Variants in ASPG observed in about 807,000 individuals in gnomAD.
ASPG encodes 60 kDa lysophospholipase.
In ASPG, 53 loss-of-function variants were observed where a neutral mutation model predicts 63.2. The ratio of observed to expected loss-of-function variants is 0.84; its 90% CI spans 0.67 to 1.05. The LOEUF (loss-of-function observed/expected upper bound fraction) is 1.05. Among genes scored for constraint, ASPG ranks in the 50% least tolerant of loss-of-function variants. The pLI, the probability that ASPG is intolerant of heterozygous loss-of-function variation, is 0.00. For missense variants in ASPG, 741 were observed against 794.4 expected (o/e 0.93, Z 0.81); for synonymous variants, 370 against 355.0 (o/e 1.04, Z -0.48).
At chr14:104,103,040 G>A (rs1257148528) in intron 6 of ASPG, among the ~76,000 whole-genome samples, 1 of 152,256 alleles carries the variant, frequency 6.6e-6, no homozygotes, top group African/African-American at 2.4e-5. Context: ...CCGGTGGGCA[G>A]TGGGCACAGT....
intron 12 of ASPG, chr14:104,108,806 T>C: frequency 1.0e-6 from 1 of 985,398 alleles, no homozygotes; most frequent in Non-Finnish European, 1.2e-6. Context: ...CGGGGTGTGA[T>C]CAGCGTTTGG....
Position 104,112,798 on chromosome 14 carries a change from T to C in ASPG, c.*254T>C. 1.4e-6 allele frequency: 1 copy of C among 737,600 alleles called. No individual in the cohort carries two copies. Among genetic ancestry groups the C allele is most frequent in the Middle Eastern group, 4.1e-4 (1 of 2,434 alleles). 45.7% of individuals were successfully genotyped at this position (737,600 alleles called of 1,614,324 possible). On this transcript the variant is annotated 3_prime_UTR_variant, in exon 16 of 16. Coordinates refer to ENST00000551177, the MANE Select transcript of ASPG (RefSeq NM_001080464.3). Reference sequence around the variant, plus strand: ...GGAGTCAGGCCCAGGCTCTGTGGGGTCTCTGCGGGGGTCACTTGGCCCATC... The same window carrying C: ...GGAGTCAGGCCCAGGCTCTGTGGGGCCTCTGCGGGGGTCACTTGGCCCATC...
intron 6 of ASPG, 94 bp from the exon 7 acceptor site, chr14:104,103,469 G>C: frequency 9.2e-7 from 1 of 1,089,036 alleles, no homozygotes; most frequent in Non-Finnish European, 1.3e-6. Context: ...GAAAACAAGG[G>C]AGGAGGCGGC....
intron 1 of ASPG, 118 bp from the exon 2 acceptor site, chr14:104,092,515 T>C: frequency 1.2e-6 from 1 of 853,002 alleles, no homozygotes; most frequent in East Asian, 2.7e-5. Flanking sequence ...TCCCAGCCTC[T>C]GACTGTCATA....
intron 6 of ASPG, among the ~76,000 whole-genome samples, chr14:104,099,910 G>C (rs1174046730): frequency 6.6e-6 from 1 of 152,238 alleles, no homozygotes; most frequent in East Asian, 1.9e-4. Flanking sequence ...GGGTGGGGCT[G>C]CCTGCCCAGG....
chr14:104,112,968 C>G lies in ASPG; in HGVS notation c.*424C>G, dbSNP rs2037420627. The G allele has an allele frequency of 3.6e-6, 1 of 279,598 alleles. No homozygotes were observed. Among genetic ancestry groups the G allele is most frequent in the African/African-American group, 2.2e-5 (1 of 45,594 alleles). 17.3% of individuals were successfully genotyped at this position (279,598 alleles called of 1,614,324 possible). Reference sequence around the variant, plus strand: ...GGTCCCTCCTCCAGACACCCTCTGCCCATCTCCTTACCTCCTGCGCCTTCA... The same window carrying G: ...GGTCCCTCCTCCAGACACCCTCTGCGCATCTCCTTACCTCCTGCGCCTTCA... On this transcript the variant is annotated 3_prime_UTR_variant, in exon 16 of 16. Coordinates refer to ENST00000551177, the MANE Select transcript of ASPG (RefSeq NM_001080464.3).
intron 1 of ASPG, 78 bp downstream of exon 1, chr14:104,085,930 G>A: frequency 1.5e-6 from 2 of 1,338,074 alleles, no homozygotes; most frequent in African/African-American, 1.5e-5. Flanking sequence ...TGCACCCACG[G>A]GGGTCGTTGG....
chr14:104,111,477 ACTC>A (rs1566844283), intron 13 of ASPG, 22 bp from the exon 14 acceptor site: 8 of 1,539,362 alleles, frequency 5.2e-6, no homozygotes, highest in African/African-American at 1.4e-5. Context: ...GGCCCCAACA[ACTC>A]CTCCTCTGCC....
intron 5 of ASPG, 63 bp downstream of exon 5, chr14:104,097,700 C>A: frequency 6.7e-7 from 1 of 1,489,778 alleles, no homozygotes; most frequent in South Asian, 1.2e-5. Context: ...CAGACAGCAG[C>A]CAGGAAACAA....
intron 3 of ASPG, among the ~76,000 whole-genome samples, chr14:104,095,114 T>C (rs774794522): frequency 6.6e-6 from 1 of 152,180 alleles, no homozygotes; most frequent in Non-Finnish European, 1.5e-5. Context: ...CGGCCATGGC[T>C]GTGCCTTGAC....
In ASPG at chr14:104,110,692, G is replaced by A. The variant is rs1302985672; in HGVS notation, c.1521-810G>A. On this transcript the variant is annotated intron_variant, in intron 13 of 15. Coordinates refer to ENST00000551177, the MANE Select transcript of ASPG (RefSeq NM_001080464.3). The surrounding 1 kb of genome is among the most constrained non-coding windows in gnomAD (Gnocchi z 4.7). ...GGCTGCTGCTGTTTCCTGGGTAGGC[G>A]CAGAGTCCCTAAGGGCCCTCCAGAG... 7 of 985,216 alleles carry A rather than the reference G, an allele frequency of 7.1e-6. No homozygotes were observed. The highest frequency in any genetic ancestry group is 1.7e-5 in the African/African-American group (1 of 57,212). The allele number at this position is 985,216 out of a possible 1,614,324, so 61.0% of individuals were successfully genotyped here. A position where few individuals can be genotyped will look rare whatever the true frequency, so the allele number is the denominator to read the frequency against.
At chr14:104,095,708 G>A (rs1246121329) in intron 4 of ASPG, 52 bp downstream of exon 4, 12 of 1,607,616 alleles carry the variant, frequency 7.5e-6, no homozygotes, top group Middle Eastern at 1.7e-4. Context: ...TGAGGCCACA[G>A]GGCAAGTCAG....
Position 104,106,822 on chromosome 14 carries a change from C to T in ASPG, c.1197C>T (p.Ala399=), listed in dbSNP as rs770250979. 41 of 1,600,704 alleles carry T rather than the reference C, an allele frequency of 2.6e-5. No homozygotes were observed. The highest frequency in any genetic ancestry group is 1.5e-5 in the Non-Finnish European group (18 of 1,175,248). ...GSQEADALRN[A]LVPSLACAAA... is the part of the protein sequence containing the mutation. ...AGGAGGCAGATGCCCTGCGGAATGC[C>T]CTGGTGCCCAGCCTGGCCTGTGCTG... The change falls in exon 11 of 16, where the codon GCC becomes GCT. Residue 399 remains alanine, a synonymous_variant. Coordinates refer to ENST00000551177, the MANE Select transcript of ASPG (RefSeq NM_001080464.3).
chr14:104,086,960 C>T (rs1035086672), intron 1 of ASPG, among the ~76,000 whole-genome samples: 1 of 151,670 alleles, frequency 6.6e-6, no homozygotes, highest in African/African-American at 2.4e-5. Flanking sequence ...CTTCCCCGCC[C>T]CTCCTATCCC....
At chr14:104,097,278 G>A (rs1260162663) in intron 4 of ASPG, among the ~76,000 whole-genome samples, 2 of 152,046 alleles carry the variant, frequency 1.3e-5, no homozygotes, top group Non-Finnish European at 2.9e-5. Flanking sequence ...TGGTGGGTGG[G>A]TTGAGGCCCT....
intron 10 of ASPG, among the ~76,000 whole-genome samples, chr14:104,105,983 TGG>T (rs2037109013): frequency 6.6e-6 from 1 of 152,222 alleles, no homozygotes; most frequent in Admixed American, 6.5e-5. Context: ...AGGCCTGACA[TGG>T]GGCCTGGCAG....
intron 13 of ASPG, chr14:104,111,195 G>A (rs2037369863): frequency 1.0e-6 from 1 of 983,210 alleles, no homozygotes; most frequent in Non-Finnish European, 1.2e-6. Flanking sequence ...ATGTGTAGGT[G>A]TGTGCTTGTG....
At chr14:104,098,071 T>G (rs2036698321) in intron 5 of ASPG, among the ~76,000 whole-genome samples, 1 of 96,218 alleles carries the variant, frequency 1.0e-5, no homozygotes, top group African/African-American at 3.5e-5. Context: ...CGTATGGAGG[T>G]TTTGCGTTAG....
chr14:104,094,262 C>T (rs2036497247), intron 3 of ASPG, among the ~76,000 whole-genome samples: 1 of 151,996 alleles, frequency 6.6e-6, no homozygotes. Flanking sequence ...GTGTGTGATG[C>T]TACCTCGAGG....
Sources: gnomAD v4.1 joint callset for allele counts (sites outside exome capture counted in the v4.1 genomes callset) on GRCh38, gnomAD v4.1.1 for gene constraint, Gnocchi (gnomAD v3.1) non-coding constraint, MANE v1.5 for transcripts, NCBI Gene and HGNC (gene_info 2026-07-23, HGNC 2026-07-21) for gene names.